The following KDM4C variants were observed in gnomAD, a reference collection of about 807,000 sequenced individuals.
KDM4C encodes the protein lysine-specific demethylase 4C.
KDM4C carries 81 observed loss-of-function variants against 129.3 expected under a neutral mutation model. The observed-to-expected ratio is 0.63, with a 90% CI of 0.52 to 0.75. KDM4C has a LOEUF of 0.75. KDM4C is among the 30% of genes least tolerant of loss of function. KDM4C has a pLI of 0.00. For synonymous variants in KDM4C, 573 were observed against 456.1 expected, an observed-to-expected ratio of 1.26 and a Z score of -3.26; for missense variants, 1,457 against 1,304.0, an observed-to-expected ratio of 1.12 and a Z score of -1.81.
At chr9:6,846,647 C>T (rs1837898380) in intron 4 of KDM4C, among the ~76,000 whole-genome samples, 2 of 152,208 alleles carry the variant, frequency 1.3e-5, no homozygotes, top group South Asian at 4.1e-4. Context: ...AGCAACCTTG[C>T]CTTGCTGAGA....
chr9:6,781,799 C>T (rs534667810), intron 1 of KDM4C, among the ~76,000 whole-genome samples: 1 of 151,860 alleles, frequency 6.6e-6, no homozygotes, highest in Non-Finnish European at 1.5e-5. Context: ...GATACAAATA[C>T]TGATTTTGGG....
At chr9:6,908,498 A>C (rs1818719934) in intron 8 of KDM4C, among the ~76,000 whole-genome samples, 1 of 152,174 alleles carries the variant, frequency 6.6e-6, no homozygotes, top group African/African-American at 2.4e-5. Context: ...AGTGGGGCAC[A>C]GGTGGGAACG....
chr9:6,763,590 T>A (rs927496311), intron 1 of KDM4C, among the ~76,000 whole-genome samples: 2 of 152,186 alleles, frequency 1.3e-5, no homozygotes, highest in African/African-American at 4.8e-5. Flanking sequence ...ATTTGTTTCC[T>A]TTGTGTTTAT....
At chr9:7,071,337 A>G (rs953753542) in intron 17 of KDM4C, among the ~76,000 whole-genome samples, 3 of 152,182 alleles carry the variant, frequency 2.0e-5, no homozygotes, top group Admixed American at 2.0e-4. Flanking sequence ...GGAAAGCCAA[A>G]ATAATTTGGA....
intron 19 of KDM4C, among the ~76,000 whole-genome samples, chr9:7,158,300 C>T (rs1236657031): frequency 6.7e-6 from 1 of 148,364 alleles, no homozygotes. Context: ...TTTCAAAAAA[C>T]CAGCTCCTGG....
chr9:6,896,951 T>G (rs769870902), intron 8 of KDM4C, among the ~76,000 whole-genome samples: 139 of 152,298 alleles, frequency 9.1e-4, no homozygotes, highest in Admixed American at 3.3e-3. Flanking sequence ...TATTGATATG[T>G]GATAGTTGTT....
At chr9:7,087,089 C>CCT (rs1554732172) in intron 17 of KDM4C, among the ~76,000 whole-genome samples, 3 of 145,508 alleles carry the variant, frequency 2.1e-5, no homozygotes, top group African/African-American at 7.6e-5. Context: ...TTACGTGGCT[C>CCT]TTTTTTTTTT....
rs1845298300 is a variant in KDM4C at position 7,174,788 on chromosome 9, G to C, written c.*59G>C. ...TGGGTTGGAAGAGAGAAGATGAAGG[G>C]ACATCCTTGGGGCTGTGCCGTGAGT... On this transcript the variant is annotated 3_prime_UTR_variant, in exon 22 of 22. Transcript: ENST00000381309. 3 of 1,450,864 alleles carry C rather than the reference G, an allele frequency of 2.1e-6. No individual in the cohort carries two copies. Among genetic ancestry groups the C allele is most frequent in the Non-Finnish European group, 2.9e-6 (3 of 1,040,460 alleles). The allele number at this position is 1,450,864 out of a possible 1,614,324, so 89.9% of individuals were successfully genotyped here.
intron 18 of KDM4C, among the ~76,000 whole-genome samples, chr9:7,116,809 T>C (rs1253098187): frequency 6.6e-6 from 1 of 152,182 alleles, no homozygotes; most frequent in Non-Finnish European, 1.5e-5. Flanking sequence ...TGTTTTCTCT[T>C]TCTCTGTCAT....
chr9:7,106,767 T>G (rs1837738783), intron 18 of KDM4C, among the ~76,000 whole-genome samples: 1 of 152,116 alleles, frequency 6.6e-6, no homozygotes, highest in Middle Eastern at 3.2e-3. Flanking sequence ...AGTGCCGGAG[T>G]TGTAGGTGTG....
chr9:7,053,605 ATTTTC>A (rs946275295), intron 17 of KDM4C, among the ~76,000 whole-genome samples: 2 of 152,100 alleles, frequency 1.3e-5, no homozygotes, highest in African/African-American at 4.8e-5. Flanking sequence ...AAGACATTAT[ATTTTC>A]TTTTATTTCT....
chr9:6,824,065 A>T (rs929490679), intron 4 of KDM4C, among the ~76,000 whole-genome samples: 5 of 152,264 alleles, frequency 3.3e-5, no homozygotes, highest in African/African-American at 1.2e-4. Flanking sequence ...AGATTTGTAT[A>T]CAACTGAAAC....
chr9:7,034,215 A>T (rs1046140716), intron 15 of KDM4C, among the ~76,000 whole-genome samples: 2 of 152,212 alleles, frequency 1.3e-5, no homozygotes, highest in African/African-American at 4.8e-5. Flanking sequence ...TGTTGGGAAC[A>T]TGCAATACCT....
chr9:6,979,883 G>A (rs547796174), intron 8 of KDM4C, among the ~76,000 whole-genome samples: 1 of 152,262 alleles, frequency 6.6e-6, no homozygotes, highest in East Asian at 1.9e-4. Context: ...AAGAACTGTG[G>A]TATCATTTGG....
intron 8 of KDM4C, among the ~76,000 whole-genome samples, chr9:6,894,272 T>A (rs1447126230): frequency 6.6e-6 from 1 of 152,250 alleles, no homozygotes; most frequent in Non-Finnish European, 1.5e-5. Context: ...AATACATTCT[T>A]GACATAAAGG....
chr9:6,802,475 A>T (rs1829190316), intron 2 of KDM4C, among the ~76,000 whole-genome samples: 1 of 152,358 alleles, frequency 6.6e-6, no homozygotes, highest in East Asian at 1.9e-4. Flanking sequence ...AAAAATATTA[A>T]TAGCATTATT....
intron 6 of KDM4C, 126 bp from the exon 7 acceptor site, chr9:6,887,834 T>C (rs1471203733): frequency 4.9e-6 from 3 of 609,492 alleles, no homozygotes; most frequent in Non-Finnish European, 8.9e-6. Context: ...AAGGGCTTTT[T>C]GGCAGAAGAG....
At chr9:7,059,141 A>G (rs1018626051) in intron 17 of KDM4C, among the ~76,000 whole-genome samples, 5 of 152,168 alleles carry the variant, frequency 3.3e-5, no homozygotes, top group African/African-American at 1.2e-4. Context: ...ACTCAGTGAC[A>G]GTATTTTGTA....
chr9:7,081,186 C>A (rs926622566), intron 17 of KDM4C, among the ~76,000 whole-genome samples: 2 of 152,104 alleles, frequency 1.3e-5, no homozygotes, highest in Non-Finnish European at 2.9e-5. Context: ...GTCAGTAAAC[C>A]TGAAGTTTTA....
Sources: gnomAD v4.1 joint callset for allele counts (sites outside exome capture counted in the v4.1 genomes callset) on GRCh38, gnomAD v4.1.1 for gene constraint, MANE v1.5 for transcripts, NCBI Gene and HGNC (gene_info 2026-07-23, HGNC 2026-07-21) for gene names.